CDH4: variants seen among roughly 807,000 people sequenced by gnomAD.
CDH4 encodes cadherin 4.
Under a neutral mutation model 86.0 loss-of-function variants are expected in CDH4, and 33 were observed. The ratio of observed to expected loss-of-function variants is 0.38; its 90% CI spans 0.29 to 0.51. The LOEUF (loss-of-function observed/expected upper bound fraction) is 0.51, where lower values mean the gene tolerates loss of function less well. CDH4 is among the 20% of genes least tolerant of loss of function. The pLI is 0.86. For missense variants in CDH4, 1,114 were observed against 1,307.4 expected, an observed-to-expected ratio of 0.85 and a Z score of 2.28; for synonymous variants, 555 against 549.4, an observed-to-expected ratio of 1.01 and a Z score of -0.14.
At chr20:61,340,390 G>A (rs749301242) in intron 2 of CDH4, among the ~76,000 whole-genome samples, 14 of 152,076 alleles carry the variant, frequency 9.2e-5, no homozygotes, top group Non-Finnish European at 1.8e-4. Flanking sequence ...AGCCTCCATC[G>A]TGGGTGAATA....
intron 2 of CDH4, among the ~76,000 whole-genome samples, chr20:61,515,537 G>T (rs542162654): frequency 6.6e-6 from 1 of 152,194 alleles, no homozygotes; most frequent in Non-Finnish European, 1.5e-5. Flanking sequence ...CCTGTTGGGA[G>T]TCGGTTGTCC....
intron 5 of CDH4, among the ~76,000 whole-genome samples, chr20:61,851,197 C>A (rs1468191970): frequency 6.6e-6 from 1 of 152,220 alleles, no homozygotes; most frequent in Non-Finnish European, 1.5e-5. Context: ...CGTGCAGCCA[C>A]ATCTCGCGTG....
At chr20:61,802,841 T>C (rs768039737) in intron 4 of CDH4, among the ~76,000 whole-genome samples, 19 of 152,204 alleles carry the variant, frequency 1.2e-4, no homozygotes, top group Non-Finnish European at 2.5e-4. Context: ...CCACAGAGGC[T>C]TCACAGGTGC....
intron 2 of CDH4, among the ~76,000 whole-genome samples, chr20:61,598,079 G>C (rs1038538365): frequency 6.6e-6 from 1 of 152,174 alleles, no homozygotes; most frequent in African/African-American, 2.4e-5. Flanking sequence ...GTGAACACAT[G>C]CCAAGCTCTT....
chr20:61,539,911 T>C (rs2086027066), intron 2 of CDH4, among the ~76,000 whole-genome samples: 1 of 151,730 alleles, frequency 6.6e-6, no homozygotes, highest in South Asian at 2.1e-4. Flanking sequence ...AGAGAGTGTT[T>C]GGAGAACTGT....
At chr20:61,334,848 G>A (rs890291337) in intron 2 of CDH4, among the ~76,000 whole-genome samples, 3 of 152,218 alleles carry the variant, frequency 2.0e-5, no homozygotes, top group Non-Finnish European at 4.4e-5. Flanking sequence ...TCCTGTGCAC[G>A]ATGGTGCTGG....
intron 2 of CDH4, among the ~76,000 whole-genome samples, chr20:61,726,227 G>A (rs1029343159): frequency 2.6e-5 from 4 of 152,076 alleles, no homozygotes; most frequent in South Asian, 2.1e-4. Flanking sequence ...AACAGGAGCC[G>A]AAAAGCAGCT....
chr20:61,780,523 C>T (rs528072087), intron 4 of CDH4, among the ~76,000 whole-genome samples: 1 of 152,312 alleles, frequency 6.6e-6, no homozygotes, highest in Non-Finnish European at 1.5e-5. Flanking sequence ...CGGACACGGC[C>T]CTAGTGCCTA....
chr20:61,667,921 A>G (rs751798558), intron 2 of CDH4, among the ~76,000 whole-genome samples: 44 of 152,264 alleles, frequency 2.9e-4, no homozygotes, highest in Non-Finnish European at 5.1e-4. Flanking sequence ...GAGGCTGCCA[A>G]ATGTCGCATG....
chr20:61,411,616 A>G (rs1467502373), intron 2 of CDH4, among the ~76,000 whole-genome samples: 2 of 152,044 alleles, frequency 1.3e-5, no homozygotes, highest in African/African-American at 2.4e-5. Context: ...GGCCTGCCAT[A>G]TGCTCCATGT....
rs150173173 is a variant in CDH4 at position 61,719,707 on chromosome 20, G to A, written c.170-23856G>A. On this transcript the variant is annotated intron_variant, in intron 2 of 15. Coordinates refer to ENST00000614565, the MANE Select transcript of CDH4 (RefSeq NM_001794.5). The stretch of plus-strand genomic sequence containing the variant: ...CGTGGGGAAAGCTGGTGTCTCTCTC[G>A]AGGTGTTTCCGAGCAGCCGTGTTAA... The A allele has an allele frequency of 1.5e-3, 230 of 153,912 alleles. 7 individuals carry two copies. The highest frequency in any genetic ancestry group is 3.4e-3 in the Middle Eastern group (1 of 294). The allele number at this position is 153,912 out of a possible 1,614,324, so 9.5% of individuals were successfully genotyped here. A position where few individuals can be genotyped will look rare whatever the true frequency, so the allele number is the denominator to read the frequency against.
intron 2 of CDH4, among the ~76,000 whole-genome samples, chr20:61,565,251 T>TCGGTGGTAGGTGG (rs1555809133): frequency 1.0e-4 from 8 of 79,704 alleles, no homozygotes; most frequent in Admixed American, 7.9e-4. Context: ...GGCGGTGCTC[T>TCGGTGGTAGGTGG]TGGTGATGGT....
chr20:61,738,965 TGGGACAGGAC>T (rs1035387716), intron 2 of CDH4: 3 of 152,636 alleles, frequency 2.0e-5, no homozygotes, highest in Non-Finnish European at 2.9e-5. Context: ...CTGCAGGGGC[TGGGACAGGAC>T]GTGTGATCTG....
chr20:61,818,163 G>A (rs1349681229), intron 4 of CDH4, among the ~76,000 whole-genome samples: 1 of 152,144 alleles, frequency 6.6e-6, no homozygotes, highest in Non-Finnish European at 1.5e-5. Flanking sequence ...CCAAGTAGCT[G>A]GGACTATAGG....
chr20:61,661,090 G>GGT lies in CDH4; in HGVS notation c.170-82472_170-82471insTG, dbSNP rs1555821316. On this transcript the variant is annotated intron_variant, in intron 2 of 15. Coordinates refer to ENST00000614565, the MANE Select transcript of CDH4 (RefSeq NM_001794.5). ...GCATGGACAGGAGGCATGGCGGGGG[G>GGT]GGGGGAGACACAGTGCCAGGCTCAT... Among the ~76,000 whole-genome samples, 37 of 141,630 alleles carry GGT rather than the reference G, an allele frequency of 2.6e-4. 4 individuals carry two copies. Among genetic ancestry groups the GGT allele is most frequent in the African/African-American group, 9.6e-4 (37 of 38,464 alleles). The allele number at this position is 141,630 out of a possible 152,430, so 92.9% of individuals were successfully genotyped here.
chr20:61,341,888 C>A (rs1401077985), intron 2 of CDH4, among the ~76,000 whole-genome samples: 2 of 152,200 alleles, frequency 1.3e-5, no homozygotes, highest in African/African-American at 4.8e-5. Context: ...CCAGGACAGT[C>A]ATTTCCTAGG....
chr20:61,254,944 C>CG lies in CDH4; in HGVS notation c.169+11dup, dbSNP rs1404045773. 6.8e-7 allele frequency: 1 copy of CG among 1,466,960 alleles called. No homozygotes were observed. The highest frequency in any genetic ancestry group is 2.3e-5 in the East Asian group (1 of 43,912). The allele number at this position is 1,466,960 out of a possible 1,614,324, so 90.9% of individuals were successfully genotyped here. A position where few individuals can be genotyped will look rare whatever the true frequency, so the allele number is the denominator to read the frequency against. ...GGGGAAAAGCTACTTCAAGGTAAGGCGGGGTGTGGAGGGGTGGGAGTGAAT... is the reference window on the plus strand; with the variant it reads ...GGGGAAAAGCTACTTCAAGGTAAGGCGGGGGTGTGGAGGGGTGGGAGTGAAT... On this transcript the variant is annotated splice_region_variant and intron_variant, in intron 2 of 15. Coordinates refer to ENST00000614565, the MANE Select transcript of CDH4 (RefSeq NM_001794.5).
chr20:61,506,753 T>G (rs1205104439), intron 2 of CDH4, among the ~76,000 whole-genome samples: 1 of 152,152 alleles, frequency 6.6e-6, no homozygotes, highest in Non-Finnish European at 1.5e-5. Context: ...AGAGGCTTTT[T>G]GGGGGTCTCG....
At chr20:61,925,407 T>C (rs995944099) in intron 11 of CDH4, among the ~76,000 whole-genome samples, 1 of 151,752 alleles carries the variant, frequency 6.6e-6, no homozygotes, top group African/African-American at 2.4e-5. Context: ...TGCCTCAGTT[T>C]CCTCCTCTGC....
Sources: gnomAD v4.1 joint callset for allele counts (sites outside exome capture counted in the v4.1 genomes callset) on GRCh38, gnomAD v4.1.1 for gene constraint, MANE v1.5 for transcripts, NCBI Gene and HGNC (gene_info 2026-07-23, HGNC 2026-07-21) for gene names.